The following PKD1L3 variants were observed in gnomAD, a reference collection of about 807,000 sequenced individuals.
PKD1L3 encodes the protein polycystin 1 like 3, transient receptor potential channel interacting.
In PKD1L3, 239 loss-of-function variants were observed where a neutral mutation model predicts 184.1. The observed-to-expected ratio is 1.30, with a 90% confidence interval of 1.17 to 1.45. The LOEUF (loss-of-function observed/expected upper bound fraction) is 1.45, where lower values mean the gene tolerates loss of function less well. PKD1L3 is among the 40% of genes most tolerant of loss of function. The pLI is 0.00. For missense variants in PKD1L3, 2,660 were observed against 2,067.2 expected, an observed-to-expected ratio of 1.29 and a Z score of -5.56; for synonymous variants, 996 against 778.8, an observed-to-expected ratio of 1.28 and a Z score of -4.64.
At chr16:71,992,892 A>G (rs1356407324) in intron 3 of PKD1L3, among the ~76,000 whole-genome samples, 1 of 152,238 alleles carries the variant, frequency 6.6e-6, no homozygotes, top group African/African-American at 2.4e-5. Flanking sequence ...GTTTTTCAAA[A>G]TTAAATAAAC....
At chr16:71,953,305 C>T (rs1177606684) in intron 17 of PKD1L3, among the ~76,000 whole-genome samples, 3 of 152,040 alleles carry the variant, frequency 2.0e-5, no homozygotes, top group Non-Finnish European at 4.4e-5. Flanking sequence ...AGTATTCTAA[C>T]GTTAGGGCAG....
At chr16:71,933,054 G>C (rs1481827174) in intron 28 of PKD1L3, among the ~76,000 whole-genome samples, 2 of 151,998 alleles carry the variant, frequency 1.3e-5, no homozygotes, top group African/African-American at 2.4e-5. Context: ...GCCTCTCATG[G>C]CTTGAACCAA....
At chr16:71,943,439 G>A (rs1355339803) in intron 23 of PKD1L3, among the ~76,000 whole-genome samples, 1 of 149,060 alleles carries the variant, frequency 6.7e-6, no homozygotes, top group African/African-American at 2.5e-5. Context: ...CCAGGAGGCC[G>A]AGGTAGGAGA....
intron 19 of PKD1L3, among the ~76,000 whole-genome samples, chr16:71,950,881 T>C (rs2038803917): frequency 6.6e-6 from 1 of 151,444 alleles, no homozygotes; most frequent in Non-Finnish European, 1.5e-5. Flanking sequence ...TACAGGCATC[T>C]GCCACCATGA....
chr16:71,963,800 G>T (rs373710703), intron 15 of PKD1L3, among the ~76,000 whole-genome samples: 263 of 152,160 alleles, frequency 1.7e-3, no homozygotes, highest in Non-Finnish European at 2.2e-3. Flanking sequence ...AAAAAGAAAA[G>T]AGAGTAGATC....
At chr16:71,947,374 A>G in intron 22 of PKD1L3, 118 bp downstream of exon 22, 1 of 666,594 alleles carries the variant, frequency 1.5e-6, no homozygotes. Context: ...GAAAAGGAGA[A>G]ATAACCAGTT....
chr16:71,981,927 G>T, intron 7 of PKD1L3, 132 bp downstream of exon 7: 1 of 1,004,822 alleles, frequency 1.0e-6, no homozygotes, highest in Non-Finnish European at 1.4e-6. Context: ...AGGCATGGCA[G>T]AGGAGTTTCT....
At position 71,982,370 on chromosome 16, in the gene PKD1L3, C is replaced by A. The variant is rs539608916; in HGVS notation, c.967-135G>T. ...GCGTGATATCGACTCACTGCAACCT[C>A]TGCCTCCCGGGTTCAAGCAATTCTC... On this transcript the variant is annotated intron_variant, in intron 6 of 29. Transcript: ENST00000620267. 4 of 715,218 alleles carry A rather than the reference C, an allele frequency of 5.6e-6. No homozygotes were observed. The Admixed American group carries it at 1.5e-4, about 27-fold the overall frequency. 44.3% of individuals were successfully genotyped at this position (715,218 alleles called of 1,614,324 possible).
At chr16:71,977,130 C>T (rs916078678) in intron 11 of PKD1L3, 106 bp downstream of exon 11, 30 of 853,700 alleles carry the variant, frequency 3.5e-5, no homozygotes, top group Middle Eastern at 3.3e-4. Flanking sequence ...GGAGGATCCC[C>T]TGAGCCTGAC....
rs1471368832 is a variant in PKD1L3 at position 71,986,074 on chromosome 16, T to C, written c.834+147A>G. On this transcript the variant is annotated intron_variant, in intron 5 of 29. Coordinates refer to ENST00000620267, the MANE Select transcript of PKD1L3 (RefSeq NM_181536.2). Reference sequence around the variant, plus strand: ...TGTGCTGTCAAATTGGCTGTTTCCATGGACTTGTTTAGTTTTTGTTTTGGA... The same window carrying C: ...TGTGCTGTCAAATTGGCTGTTTCCACGGACTTGTTTAGTTTTTGTTTTGGA... The C allele has an allele frequency of 4.7e-6, 5 of 1,054,136 alleles. No homozygotes were observed. In the Admixed American group the frequency reaches 1.1e-4, roughly 23 times the overall value. The allele number at this position is 1,054,136 out of a possible 1,614,324, so 65.3% of individuals were successfully genotyped here. A position where few individuals can be genotyped will look rare whatever the true frequency, so the allele number is the denominator to read the frequency against.
At chr16:71,984,457 A>G (rs942752876) in intron 5 of PKD1L3, among the ~76,000 whole-genome samples, 1 of 152,266 alleles carries the variant, frequency 6.6e-6, no homozygotes, top group African/African-American at 2.4e-5. Context: ...TGTTAAGGCC[A>G]TGAAGATGAG....
intron 16 of PKD1L3, among the ~76,000 whole-genome samples, chr16:71,957,012 A>G (rs974329209): frequency 6.6e-6 from 1 of 152,230 alleles, no homozygotes; most frequent in Non-Finnish European, 1.5e-5. Context: ...ACTGAGCTAC[A>G]GGAGTGAAGT....
chr16:71,956,154 G>A (rs2039037734), intron 16 of PKD1L3, among the ~76,000 whole-genome samples: 2 of 148,494 alleles, frequency 1.3e-5, no homozygotes, highest in South Asian at 2.1e-4. Flanking sequence ...CACTGCACCT[G>A]GCCCATCATT....
chr16:71,997,995 A>G (rs1468849724), intron 2 of PKD1L3, among the ~76,000 whole-genome samples: 1 of 152,060 alleles, frequency 6.6e-6, no homozygotes, highest in Non-Finnish European at 1.5e-5. Flanking sequence ...CATGTGGAAA[A>G]TGGTGTCACC....
intron 13 of PKD1L3, among the ~76,000 whole-genome samples, chr16:71,968,577 A>G (rs1330120875): frequency 2.6e-5 from 4 of 152,160 alleles, no homozygotes; most frequent in Non-Finnish European, 1.5e-5. Flanking sequence ...CATGCCATAT[A>G]AATTTCTTGT....
chr16:71,945,677 CATAA>C lies in PKD1L3; in HGVS notation c.3719-1511_3719-1508del, dbSNP rs1051372836. 4.6e-5 allele frequency among the ~76,000 whole-genome samples: 7 copies of C among 151,540 alleles called. No homozygotes were observed. In the South Asian group the frequency reaches 6.2e-4, roughly 14 times the overall value. On this transcript the variant is annotated intron_variant, in intron 22 of 29. Transcript: ENST00000620267. ...TGGGCGACAGAGCAAGACTCCATCT[CATAA>C]ATAAATAAATAAAAATAAAAATAAC...
chr16:71,957,556 GGGA>G (rs1023675170), intron 16 of PKD1L3, among the ~76,000 whole-genome samples: 30 of 152,150 alleles, frequency 2.0e-4, no homozygotes, highest in African/African-American at 6.8e-4. Context: ...CCAGCACTTT[GGGA>G]GGAGAAGGTG....
chr16:71,994,774 G>T (rs1020746077), intron 2 of PKD1L3, among the ~76,000 whole-genome samples: 1 of 152,134 alleles, frequency 6.6e-6, no homozygotes, highest in African/African-American at 2.4e-5. Context: ...CGAGGAGACT[G>T]TATCACCTGA....
At chr16:71,941,581 CTTTT>C (rs35509080) in intron 24 of PKD1L3, among the ~76,000 whole-genome samples, 16 of 102,214 alleles carry the variant, frequency 1.6e-4, no homozygotes, top group Non-Finnish European at 2.5e-4. Context: ...CTATGACATT[CTTTT>C]TTTTTTTTTT....
Sources: allele counts gnomAD v4.1 joint callset (sites outside exome capture counted in the v4.1 genomes callset), GRCh38; gene constraint gnomAD v4.1.1; transcripts MANE v1.5; gene names NCBI Gene and HGNC (gene_info 2026-07-23, HGNC 2026-07-21).